Variants in CWF19L2 observed in about 807,000 individuals in gnomAD.
The protein encoded by CWF19L2 is CWF19 like cell cycle control factor 2, also known as CWF19-like protein 2.
A neutral mutation model predicts 111.7 loss-of-function variants in CWF19L2; 98 were observed. The observed-to-expected ratio is 0.88, with a 90% CI of 0.75 to 1.04. The LOEUF is 1.04. Ranked by LOEUF, CWF19L2 falls within the 50% of genes least tolerant of loss-of-function variation. The probability of loss-of-function intolerance (pLI) is 0.00; values close to 1 mark genes in which losing one functional copy is unlikely to be tolerated. For missense variants in CWF19L2, 1,101 were observed against 1,051.4 expected (o/e 1.05, Z -0.65); for synonymous variants, 351 against 342.9 (o/e 1.02, Z -0.26).
chr11:107,350,015 T>A (rs750075971), intron 13 of CWF19L2, among the ~76,000 whole-genome samples: 5 of 151,920 alleles, frequency 3.3e-5, no homozygotes, highest in Non-Finnish European at 7.4e-5. Flanking sequence ...TAAGTTGTAA[T>A]AAAATTCATT....
intron 12 of CWF19L2, among the ~76,000 whole-genome samples, chr11:107,358,055 C>T (rs1860264905): frequency 6.6e-6 from 1 of 152,168 alleles, no homozygotes; most frequent in African/African-American, 2.4e-5. Context: ...CCATTTCACA[C>T]TCACTAGGAT....
chr11:107,378,525 C>G (rs974404403), intron 12 of CWF19L2, among the ~76,000 whole-genome samples: 1 of 152,068 alleles, frequency 6.6e-6, no homozygotes, highest in Non-Finnish European at 1.5e-5. Context: ...GAACAAAAAA[C>G]CAAACACCGC....
chr11:107,329,146 A>T (rs1216725801), intron 17 of CWF19L2, among the ~76,000 whole-genome samples: 1 of 152,138 alleles, frequency 6.6e-6, no homozygotes, highest in Non-Finnish European at 1.5e-5. Flanking sequence ...GAAAGGCCTG[A>T]TCTATACTAG....
chr11:107,332,903 C>T (rs1228418646), intron 16 of CWF19L2, among the ~76,000 whole-genome samples: 2 of 151,992 alleles, frequency 1.3e-5, no homozygotes, highest in South Asian at 2.1e-4. Flanking sequence ...GGGCAGATCA[C>T]GAGGTCAGGA....
chr11:107,371,633 G>T (rs1860512589), intron 12 of CWF19L2, among the ~76,000 whole-genome samples: 1 of 137,284 alleles, frequency 7.3e-6, no homozygotes, highest in Non-Finnish European at 1.6e-5. Flanking sequence ...CATCATTTTT[G>T]AAATTTAAAA....
intron 17 of CWF19L2, among the ~76,000 whole-genome samples, chr11:107,327,329 G>A (rs1859776366): frequency 6.6e-6 from 1 of 152,050 alleles, no homozygotes; most frequent in Non-Finnish European, 1.5e-5. Flanking sequence ...TAACAAAGGG[G>A]AGGGAAAACA....
intron 11 of CWF19L2, 118 bp from the exon 12 acceptor site, chr11:107,390,329 T>C (rs1350633680): frequency 3.6e-6 from 3 of 833,272 alleles, no homozygotes; most frequent in East Asian, 5.7e-5. Context: ...ATCACAACCT[T>C]TCCTTCCAGT....
rs987416625 is a variant in CWF19L2, at chr11:107,402,871, G to A, written c.1618-9976C>T. On this transcript the variant is annotated intron_variant, in intron 10 of 17. Coordinates refer to ENST00000282251, the MANE Select transcript of CWF19L2 (RefSeq NM_152434.3). ...AACGAGTGGATAAACAAACTGTGGTGTGTATATATATATATATATATATAT... is the reference window on the plus strand; with the variant it reads ...AACGAGTGGATAAACAAACTGTGGTATGTATATATATATATATATATATAT... Among the ~76,000 whole-genome samples, 100 of 57,040 alleles carry A rather than the reference G, an allele frequency of 1.8e-3. 5 individuals are homozygous for A. The highest frequency in any genetic ancestry group is 4.3e-3 in the Admixed American group (19 of 4,456). The allele number at this position is 57,040 out of a possible 152,430, so 37.4% of individuals were successfully genotyped here.
intron 12 of CWF19L2, among the ~76,000 whole-genome samples, chr11:107,362,885 A>T (rs1860377932): frequency 6.6e-6 from 1 of 152,056 alleles, no homozygotes; most frequent in Non-Finnish European, 1.5e-5. Flanking sequence ...GACCTACGGG[A>T]GGACACTCGA....
chr11:107,372,923 C>T (rs1860534357), intron 12 of CWF19L2, among the ~76,000 whole-genome samples: 1 of 123,758 alleles, frequency 8.1e-6, no homozygotes, highest in African/African-American at 3.6e-5. Context: ...GCGCACCATG[C>T]GTGAGCCGAA....
At chr11:107,362,229 G>A (rs967032328) in intron 12 of CWF19L2, among the ~76,000 whole-genome samples, 20 of 151,828 alleles carry the variant, frequency 1.3e-4, no homozygotes, top group South Asian at 6.2e-4. Context: ...ACTGCAAGGC[G>A]GCAGCGAGGC....
At chr11:107,446,226 C>A (rs1861700430) in intron 3 of CWF19L2, among the ~76,000 whole-genome samples, 1 of 152,222 alleles carries the variant, frequency 6.6e-6, no homozygotes. Flanking sequence ...TTACAAGGCC[C>A]TATTAATTCT....
At chr11:107,354,467 G>A (rs575808226) in intron 12 of CWF19L2, among the ~76,000 whole-genome samples, 1 of 152,180 alleles carries the variant, frequency 6.6e-6, no homozygotes, top group South Asian at 2.1e-4. Flanking sequence ...AATACTGCCT[G>A]CGTATCCCTT....
intron 12 of CWF19L2, among the ~76,000 whole-genome samples, chr11:107,380,149 T>C (rs1325928650): frequency 6.9e-6 from 1 of 144,520 alleles, no homozygotes; most frequent in Non-Finnish European, 1.5e-5. Flanking sequence ...AGAAAAAAAA[T>C]GGTTTGCAAT....
chr11:107,446,240 A>G (rs1436909015), intron 3 of CWF19L2, among the ~76,000 whole-genome samples: 6 of 152,222 alleles, frequency 3.9e-5, no homozygotes, highest in African/African-American at 1.2e-4. Flanking sequence ...TAATTCTTAC[A>G]GTTTCATCTC....
chr11:107,398,656 G>A (rs1860957458), intron 10 of CWF19L2, among the ~76,000 whole-genome samples: 1 of 152,312 alleles, frequency 6.6e-6, no homozygotes, highest in East Asian at 1.9e-4. Flanking sequence ...GAGAGACGTA[G>A]ACAGCCAAAT....
At chr11:107,375,140 A>G (rs1013204505) in intron 12 of CWF19L2, among the ~76,000 whole-genome samples, 3 of 136,976 alleles carry the variant, frequency 2.2e-5, no homozygotes, top group African/African-American at 8.5e-5. Context: ...AGTGACTTAC[A>G]AAGAGACTTA....
At position 107,441,959 on chromosome 11, in the gene CWF19L2, G is replaced by C. The variant is rs1030641889; in HGVS notation, c.451-337C>G. Among the ~76,000 whole-genome samples the C allele has an allele frequency of 2.6e-5, 4 of 152,294 alleles. No individual in the cohort carries two copies. The South Asian group carries it at 8.3e-4, about 32-fold the overall frequency. Reference sequence around the variant, plus strand: ...TTTCTTCCTTCACCTGTGGCTAACAGTGGACAAATTACATTCTTCCTGAGG... The same window carrying C: ...TTTCTTCCTTCACCTGTGGCTAACACTGGACAAATTACATTCTTCCTGAGG... On this transcript the variant is annotated intron_variant, in intron 4 of 17. Transcript: ENST00000282251.
intron 17 of CWF19L2, among the ~76,000 whole-genome samples, chr11:107,329,617 T>C (rs1246735227): frequency 3.3e-5 from 5 of 152,170 alleles, no homozygotes; most frequent in Non-Finnish European, 2.9e-5. Context: ...CTGTAAGCCC[T>C]TAATAAGTTT....
Sources: gnomAD v4.1 joint callset for allele counts (sites outside exome capture counted in the v4.1 genomes callset) on GRCh38, gnomAD v4.1.1 for gene constraint, MANE v1.5 for transcripts, NCBI Gene and HGNC (gene_info 2026-07-23, HGNC 2026-07-21) for gene names.